Variants in SDK1 observed in about 807,000 individuals in gnomAD.
SDK1 encodes protein sidekick-1.
A neutral mutation model predicts 245.5 loss-of-function variants in SDK1; 157 were observed. The ratio of observed to expected loss-of-function variants is 0.64; its 90% CI spans 0.56 to 0.73. The LOEUF (loss-of-function observed/expected upper bound fraction) is 0.73. Among genes scored for constraint, SDK1 ranks in the 30% least tolerant of loss-of-function variants. SDK1 has a pLI of 0.00. For synonymous variants in SDK1, 1,647 were observed against 1,278.5 expected (o/e 1.29, Z -6.15); for missense variants, 3,583 against 3,002.3 (o/e 1.19, Z -4.52).
intron 1 of SDK1, among the ~76,000 whole-genome samples, chr7:3,429,699 C>G (rs770939541): frequency 2.6e-5 from 4 of 151,382 alleles, no homozygotes; most frequent in Non-Finnish European, 5.9e-5. Context: ...TGGGCTCAAG[C>G]AATCCTCCCG....
intron 1 of SDK1, among the ~76,000 whole-genome samples, chr7:3,398,768 G>C (rs893328566): frequency 2.2e-5 from 3 of 136,974 alleles, no homozygotes; most frequent in Non-Finnish European, 4.7e-5. Context: ...GCCCCCAGTA[G>C]TTTTTTTTTT....
chr7:3,916,747 C>A (rs1207736252), intron 5 of SDK1, among the ~76,000 whole-genome samples: 4 of 152,096 alleles, frequency 2.6e-5, no homozygotes, highest in Non-Finnish European at 5.9e-5. Flanking sequence ...ATATTCTTCC[C>A]AAATTCTATA....
intron 5 of SDK1, among the ~76,000 whole-genome samples, chr7:3,917,381 C>G (rs1462869360): frequency 6.6e-6 from 1 of 152,136 alleles, no homozygotes; most frequent in African/African-American, 2.4e-5. Flanking sequence ...GGGTTTCTCT[C>G]CAGGGTAGAC....
At chr7:3,456,150 C>A (rs183534520) in intron 1 of SDK1, among the ~76,000 whole-genome samples, 9 of 152,246 alleles carry the variant, frequency 5.9e-5, no homozygotes, top group Non-Finnish European at 7.4e-5. Context: ...TCACTGATTT[C>A]AAGATCTTTT....
chr7:3,409,514 C>G (rs17133284), intron 1 of SDK1, among the ~76,000 whole-genome samples: 11,020 of 152,132 alleles, frequency 0.072, 496 homozygotes, highest in African/African-American at 0.12. Context: ...ATACAAATTA[C>G]ACCGTTTTTC....
intron 5 of SDK1, among the ~76,000 whole-genome samples, chr7:3,879,010 C>G (rs1339305120): frequency 6.6e-6 from 1 of 152,162 alleles, no homozygotes; most frequent in Non-Finnish European, 1.5e-5. Context: ...ATTGCTGTGA[C>G]AGTCTCTTGG....
intron 4 of SDK1, among the ~76,000 whole-genome samples, chr7:3,820,093 G>C (rs1234563522): frequency 6.6e-6 from 1 of 152,124 alleles, no homozygotes; most frequent in Non-Finnish European, 1.5e-5. Flanking sequence ...TGCTCAGAAT[G>C]CATCTTACCT....
intron 1 of SDK1, among the ~76,000 whole-genome samples, chr7:3,598,174 G>A (rs6951962): frequency 0.035 from 5,384 of 152,190 alleles, 256 homozygotes; most frequent in African/African-American, 0.11. Flanking sequence ...CCATGTGCTC[G>A]TGGGCTGTTT....
chr7:3,617,590 A>G (rs914666520), intron 1 of SDK1, among the ~76,000 whole-genome samples: 7 of 152,222 alleles, frequency 4.6e-5, no homozygotes, highest in African/African-American at 1.7e-4. Context: ...TAGAGGCTGG[A>G]CAGTTCAACA....
At chr7:3,423,284 G>C (rs1779582483) in intron 1 of SDK1, among the ~76,000 whole-genome samples, 1 of 152,172 alleles carries the variant, frequency 6.6e-6, no homozygotes, top group Non-Finnish European at 1.5e-5. Flanking sequence ...AATTTTTATT[G>C]ATTAACCAGG....
chr7:3,889,293 T>C (rs1781403193), intron 5 of SDK1, among the ~76,000 whole-genome samples: 1 of 152,218 alleles, frequency 6.6e-6, no homozygotes, highest in Non-Finnish European at 1.5e-5. Context: ...TGGCAGCACA[T>C]CGTGAGAGGA....
At chr7:3,411,415 A>G (rs372192433) in intron 1 of SDK1, among the ~76,000 whole-genome samples, 180 of 152,320 alleles carry the variant, frequency 1.2e-3, no homozygotes, top group South Asian at 5.2e-3. Context: ...CATATGATCC[A>G]ATAACATAGA....
intron 13 of SDK1, among the ~76,000 whole-genome samples, chr7:3,982,916 T>A (rs1726662296): frequency 6.6e-6 from 1 of 151,630 alleles, no homozygotes; most frequent in African/African-American, 2.4e-5. Flanking sequence ...GGGAAGAAGT[T>A]GATTCCAGCC....
intron 1 of SDK1, among the ~76,000 whole-genome samples, chr7:3,363,874 T>G (rs1483500874): frequency 6.6e-6 from 1 of 152,222 alleles, no homozygotes; most frequent in African/African-American, 2.4e-5. Flanking sequence ...ACCCCTGGTT[T>G]AAGAAACCTT....
chr7:3,939,779 C>G (rs118034670), intron 5 of SDK1, among the ~76,000 whole-genome samples: 4 of 152,142 alleles, frequency 2.6e-5, no homozygotes, highest in African/African-American at 9.7e-5. Flanking sequence ...GAAAGAGATC[C>G]GACACACCTG....
chr7:3,353,220 T>A (rs1780706639), intron 1 of SDK1, among the ~76,000 whole-genome samples: 1 of 152,190 alleles, frequency 6.6e-6, no homozygotes, highest in Non-Finnish European at 1.5e-5. Context: ...TTAAGTAGAT[T>A]ATATCCCTTT....
chr7:3,933,101 C>G (rs574765718), intron 5 of SDK1, among the ~76,000 whole-genome samples: 1 of 151,190 alleles, frequency 6.6e-6, no homozygotes, highest in East Asian at 1.9e-4. Context: ...TCCGCATCCT[C>G]CGGCGGGAAA....
chr7:3,939,949 C>T (rs1301433279), intron 5 of SDK1, among the ~76,000 whole-genome samples: 2 of 152,246 alleles, frequency 1.3e-5, no homozygotes, highest in African/African-American at 2.4e-5. Flanking sequence ...GCTGTCTTCA[C>T]CCAGCCCATG....
In SDK1 at chr7:3,422,749, GA is replaced by G. The variant is rs1282170976; in HGVS notation, c.298+120869del. ...GTTGGGCTGGCGATAAAAGGTGGGG[GA>G]AAAGCAGGAGTACTTAGGATGTGGG... On this transcript the variant is annotated intron_variant, in intron 1 of 44. Coordinates refer to ENST00000404826, the MANE Select transcript of SDK1 (RefSeq NM_152744.4). Among the ~76,000 whole-genome samples, 5 of 152,296 alleles carry G rather than the reference GA, an allele frequency of 3.3e-5. No homozygotes were observed. The East Asian group carries it at 9.6e-4, about 29-fold the overall frequency.
Sources: allele counts gnomAD v4.1 joint callset (sites outside exome capture counted in the v4.1 genomes callset), GRCh38; gene constraint gnomAD v4.1.1; transcripts MANE v1.5; gene names NCBI Gene and HGNC (gene_info 2026-07-23, HGNC 2026-07-21).